MYO1D: variants seen among roughly 807,000 people sequenced by gnomAD.
MYO1D encodes the protein unconventional myosin-Id.
Under a neutral mutation model 122.0 loss-of-function variants are expected in MYO1D, and 83 were observed. The observed-to-expected ratio is 0.68, with a 90% confidence interval of 0.57 to 0.82. The LOEUF (loss-of-function observed/expected upper bound fraction) is 0.82, where lower values mean the gene tolerates loss of function less well. MYO1D is among the 40% of genes least tolerant of loss of function. MYO1D has a pLI of 0.00. For missense variants in MYO1D, 1,157 were observed against 1,269.5 expected, an observed-to-expected ratio of 0.91 and a Z score of 1.35; for synonymous variants, 464 against 446.9, an observed-to-expected ratio of 1.04 and a Z score of -0.48.
intron 16 of MYO1D, among the ~76,000 whole-genome samples, chr17:32,688,619 T>C (rs1164096944): frequency 6.6e-6 from 1 of 152,168 alleles, no homozygotes. Flanking sequence ...GCAGAGATGT[T>C]TGAGGGTTCA....
intron 1 of MYO1D, among the ~76,000 whole-genome samples, chr17:32,848,994 T>A (rs1216298136): frequency 6.6e-6 from 1 of 152,134 alleles, no homozygotes; most frequent in African/African-American, 2.4e-5. Flanking sequence ...TTGTTAGAAA[T>A]AAACATGTAG....
At position 32,613,513 on chromosome 17, in the gene MYO1D, C is replaced by T. The variant is rs184337522; in HGVS notation, c.2710-8272G>A. On this transcript the variant is annotated intron_variant, in intron 20 of 21. Transcript: ENST00000318217. ...AATATAGGCCAGGTGCAGTGGCTCA[C>T]GCCTGTAATCCCAGCACTTTTGGAG... 1.3e-3 allele frequency among the ~76,000 whole-genome samples: 199 copies of T among 152,202 alleles called. 1 individual carries two copies. The East Asian group carries it at 0.033, about 26-fold the overall frequency.
At chr17:32,631,736 A>G (rs925825454) in intron 20 of MYO1D, among the ~76,000 whole-genome samples, 1 of 152,168 alleles carries the variant, frequency 6.6e-6, no homozygotes, top group Non-Finnish European at 1.5e-5. Flanking sequence ...AATATTTTAG[A>G]TATGAAAATG....
intron 21 of MYO1D, among the ~76,000 whole-genome samples, chr17:32,565,309 A>G (rs2087162397): frequency 6.6e-6 from 1 of 152,062 alleles, no homozygotes; most frequent in South Asian, 2.1e-4. Flanking sequence ...CAGCCTGAAG[A>G]AAATACCTTC....
chr17:32,545,231 C>A (rs1205526763), intron 21 of MYO1D, among the ~76,000 whole-genome samples: 1 of 152,186 alleles, frequency 6.6e-6, no homozygotes, highest in African/African-American at 2.4e-5. Context: ...CTGTGGGCAC[C>A]TCTGGCTTAC....
At chr17:32,551,171 G>T (rs1341162886) in intron 21 of MYO1D, among the ~76,000 whole-genome samples, 1 of 152,014 alleles carries the variant, frequency 6.6e-6, no homozygotes, top group Non-Finnish European at 1.5e-5. Flanking sequence ...CTAGGGGTGG[G>T]GAGCCTGTAG....
intron 21 of MYO1D, among the ~76,000 whole-genome samples, chr17:32,504,339 CT>C: frequency 6.6e-6 from 1 of 152,226 alleles, no homozygotes; most frequent in Non-Finnish European, 1.5e-5. Context: ...CCATTCTTCC[CT>C]TCCCTGCCCA....
At chr17:32,638,888 G>C in intron 19 of MYO1D, 53 bp from the exon 20 acceptor site, 1 of 1,264,372 alleles carries the variant, frequency 7.9e-7, no homozygotes, top group Non-Finnish European at 1.2e-6. Flanking sequence ...AGGAAATCAA[G>C]TTGGCTGATT....
Position 32,712,199 on chromosome 17 carries a change from G to A in MYO1D, c.1914-4C>T. 1 of 1,608,820 alleles carries A rather than the reference G, an allele frequency of 6.2e-7. No individual in the cohort carries two copies. Among genetic ancestry groups the A allele is most frequent in the South Asian group, 1.1e-5 (1 of 90,704 alleles). ...GAATTCAGAGATCATCTTATACCTG[G>A]ATGAAAAAAAGAAACAGGGTTAAGG... On this transcript the variant is annotated splice_region_variant and splice_polypyrimidine_tract_variant and intron_variant, in intron 15 of 21. Coordinates refer to ENST00000318217, the MANE Select transcript of MYO1D (RefSeq NM_015194.3).
intron 21 of MYO1D, among the ~76,000 whole-genome samples, chr17:32,562,198 G>A (rs530260687): frequency 2.0e-5 from 3 of 152,106 alleles, no homozygotes; most frequent in South Asian, 4.1e-4. Flanking sequence ...GTATTGCCAC[G>A]TTGCCCAGGC....
chr17:32,833,193 G>A (rs970542271), intron 1 of MYO1D, among the ~76,000 whole-genome samples: 28 of 152,116 alleles, frequency 1.8e-4, no homozygotes, highest in African/African-American at 6.5e-4. Context: ...CCTCCTGCTC[G>A]CTATACCCCA....
At chr17:32,497,645 T>C (rs1396684182) in intron 21 of MYO1D, 2 of 152,394 alleles carry the variant, frequency 1.3e-5, no homozygotes, top group Non-Finnish European at 2.9e-5. Flanking sequence ...GGGAGGCCCT[T>C]CCTCAGGGAG....
At chr17:32,683,195 T>C (rs977891280) in intron 16 of MYO1D, among the ~76,000 whole-genome samples, 2 of 150,238 alleles carry the variant, frequency 1.3e-5, no homozygotes, top group African/African-American at 5.0e-5. Flanking sequence ...TTGGTTTGAA[T>C]GTCCTCCCGT....
intron 1 of MYO1D, among the ~76,000 whole-genome samples, chr17:32,822,695 C>T (rs12950837): frequency 0.61 from 91,081 of 149,866 alleles, 27,818 homozygotes; most frequent in Middle Eastern, 0.74. Flanking sequence ...TCGCGCGTCC[C>T]TCCTCCTCTT....
Position 32,622,813 on chromosome 17 carries a change from C to A in MYO1D, c.2709+15909G>T, listed in dbSNP as rs151129952. 4.3e-3 allele frequency among the ~76,000 whole-genome samples: 656 copies of A among 152,246 alleles called. 4 individuals are homozygous for A. The highest frequency in any genetic ancestry group is 5.7e-3 in the Non-Finnish European group (388 of 68,018). The stretch of plus-strand genomic sequence containing the variant: ...TAAGAACGATGCTGAGGACTTTCCA[C>A]GCATTATTTCATATACCTCATTTTG... On this transcript the variant is annotated intron_variant, in intron 20 of 21. Transcript: ENST00000318217.
chr17:32,569,334 A>G (rs2087202167), intron 21 of MYO1D, among the ~76,000 whole-genome samples: 1 of 152,240 alleles, frequency 6.6e-6, no homozygotes, highest in African/African-American at 2.4e-5. Context: ...CTAAGCGCTG[A>G]CTAATCGAGG....
At chr17:32,826,675 T>A (rs952552022) in intron 1 of MYO1D, among the ~76,000 whole-genome samples, 7 of 152,332 alleles carry the variant, frequency 4.6e-5, no homozygotes, top group Admixed American at 1.3e-4. Context: ...CACACTCTTG[T>A]GATAGGAGAA....
At chr17:32,569,193 T>C (rs2087201071) in intron 21 of MYO1D, among the ~76,000 whole-genome samples, 1 of 152,254 alleles carries the variant, frequency 6.6e-6, no homozygotes, top group African/African-American at 2.4e-5. Context: ...CTTCAGCTGA[T>C]TTCCATGTGA....
chr17:32,652,867 C>T (rs537629483), intron 19 of MYO1D, among the ~76,000 whole-genome samples: 28 of 152,312 alleles, frequency 1.8e-4, no homozygotes, highest in African/African-American at 6.5e-4. Context: ...ATAGGCTGGG[C>T]GCGGTGGCTC....
Sources: allele counts gnomAD v4.1 joint callset (sites outside exome capture counted in the v4.1 genomes callset), GRCh38; gene constraint gnomAD v4.1.1; transcripts MANE v1.5; gene names NCBI Gene and HGNC (gene_info 2026-07-23, HGNC 2026-07-21).